Variants in PCDHA8 observed in about 807,000 individuals in gnomAD.
The protein encoded by PCDHA8 is protocadherin alpha-8.
In PCDHA8, 53 loss-of-function variants were observed where a neutral mutation model predicts 61.8. The ratio of observed to expected loss-of-function variants is 0.86; its 90% CI spans 0.69 to 1.08. The LOEUF (loss-of-function observed/expected upper bound fraction) is 1.08. PCDHA8 is among the 50% of genes least tolerant of loss of function. The pLI is 0.00. For missense variants in PCDHA8, 1,293 were observed against 1,245.0 expected (o/e 1.04, Z -0.58); for synonymous variants, 618 against 556.6 (o/e 1.11, Z -1.55).
intron 1 of PCDHA8, among the ~76,000 whole-genome samples, chr5:140,906,294 T>C (rs1554192469): frequency 1.3e-5 from 2 of 152,278 alleles, no homozygotes; most frequent in East Asian, 3.9e-4. Flanking sequence ...AAGACAATAA[T>C]AAGGTCATAA....
At chr5:140,905,878 C>T (rs1187937436) in intron 1 of PCDHA8, among the ~76,000 whole-genome samples, 2 of 152,054 alleles carry the variant, frequency 1.3e-5, no homozygotes, top group African/African-American at 2.4e-5. Flanking sequence ...CAAGGCCCAA[C>T]AATAGGCCAT....
intron 1 of PCDHA8, among the ~76,000 whole-genome samples, chr5:140,945,159 A>G (rs1341706509): frequency 2.0e-5 from 3 of 152,178 alleles, no homozygotes; most frequent in Non-Finnish European, 4.4e-5. Flanking sequence ...TACACTATTG[A>G]ACTATCTGAA....
chr5:140,915,324 T>G (rs782080439), intron 1 of PCDHA8, among the ~76,000 whole-genome samples: 1 of 152,210 alleles, frequency 6.6e-6, no homozygotes, highest in Non-Finnish European at 1.5e-5. Flanking sequence ...ATTACAGTGT[T>G]ATAATATTCT....
chr5:140,863,196 G>A (rs782500346), intron 1 of PCDHA8: 4 of 874,850 alleles, frequency 4.6e-6, no homozygotes, highest in Non-Finnish European at 7.2e-6. Flanking sequence ...TGGTGGCGTC[G>A]CTGGCGGAGA....
intron 1 of PCDHA8, chr5:140,858,025 G>C (rs992119806): frequency 1.9e-6 from 3 of 1,596,952 alleles, no homozygotes; most frequent in Non-Finnish European, 2.6e-6. Context: ...CGTCGCTGAC[G>C]GCCACGGCCA....
intron 1 of PCDHA8, among the ~76,000 whole-genome samples, chr5:140,846,117 T>C (rs1780205131): frequency 6.7e-6 from 1 of 149,668 alleles, no homozygotes; most frequent in African/African-American, 2.4e-5. Flanking sequence ...CTATCTTACT[T>C]TGATAGTTGT....
intron 1 of PCDHA8, among the ~76,000 whole-genome samples, chr5:140,891,237 T>C (rs2063002731): frequency 6.6e-6 from 1 of 152,210 alleles, no homozygotes; most frequent in South Asian, 2.1e-4. Flanking sequence ...CTGTTCTGGA[T>C]TCAGTAGGAT....
chr5:140,901,611 T>C (rs1261733801), intron 1 of PCDHA8, among the ~76,000 whole-genome samples: 1 of 152,204 alleles, frequency 6.6e-6, no homozygotes, highest in Non-Finnish European at 1.5e-5. Flanking sequence ...ATCTCTATGG[T>C]ATAATTTGAA....
intron 3 of PCDHA8, among the ~76,000 whole-genome samples, chr5:141,007,324 A>G (rs35241677): frequency 0.053 from 8,037 of 150,420 alleles, 253 homozygotes; most frequent in South Asian, 0.11. Context: ...GCTAAAGTGG[A>G]CAGATTGCCT....
chr5:140,858,616 T>G (rs1562539811), intron 1 of PCDHA8: 1 of 1,182,404 alleles, frequency 8.5e-7, no homozygotes, highest in Non-Finnish European at 1.2e-6. Context: ...TTTTTTATCC[T>G]ACCCAGTGTG....
intron 3 of PCDHA8, among the ~76,000 whole-genome samples, chr5:140,993,781 A>T (rs1587593339): frequency 6.6e-6 from 1 of 152,216 alleles, no homozygotes; most frequent in African/African-American, 2.4e-5. Flanking sequence ...TATTTTGTAC[A>T]GTAACATGCT....
At chr5:141,006,073 T>G (rs2098254106) in intron 3 of PCDHA8, among the ~76,000 whole-genome samples, 1 of 151,712 alleles carries the variant, frequency 6.6e-6, no homozygotes, top group Non-Finnish European at 1.5e-5. Context: ...AAAAATCAGA[T>G]TATTGAAGGG....
chr5:140,863,120 C>T, intron 1 of PCDHA8: 4 of 591,460 alleles, frequency 6.8e-6, no homozygotes, highest in Non-Finnish European at 1.0e-5. Context: ...GCGAAAGCTA[C>T]GCGCCACCGC....
chr5:140,884,478 C>G, intron 1 of PCDHA8: 1 of 1,613,916 alleles, frequency 6.2e-7, no homozygotes, highest in African/African-American at 1.3e-5. Context: ...CCGGGCAAGC[C>G]CACTCTAGTG....
intron 1 of PCDHA8, among the ~76,000 whole-genome samples, chr5:140,962,537 A>G (rs1554226101): frequency 6.6e-6 from 1 of 152,208 alleles, no homozygotes; most frequent in Non-Finnish European, 1.5e-5. Context: ...TTTTAGAACT[A>G]AAAATGTAGA....
chr5:140,884,682 A>C, intron 1 of PCDHA8: 5 of 1,546,956 alleles, frequency 3.2e-6, no homozygotes, highest in Non-Finnish European at 4.4e-6. Flanking sequence ...TATTTTAAAA[A>C]ATTGTCTTAG....
chr5:140,881,555 A>G (rs2058748140), intron 1 of PCDHA8, among the ~76,000 whole-genome samples: 2 of 152,236 alleles, frequency 1.3e-5, no homozygotes, highest in South Asian at 2.1e-4. Context: ...TTGAATATAA[A>G]TATCTTATCT....
chr5:140,957,879 G>T (rs2095393633), intron 1 of PCDHA8, among the ~76,000 whole-genome samples: 1 of 151,960 alleles, frequency 6.6e-6, no homozygotes, highest in Non-Finnish European at 1.5e-5. Flanking sequence ...GTGCTGAAAA[G>T]CTGAAGTTGG....
rs2150348656 is a variant in PCDHA8, at chr5:140,842,958, G to A, written c.1637G>A (p.Gly546Asp). The change falls in exon 1 of 4, where the codon GGC becomes GAC. Residue 546 changes from glycine (G) to aspartate (D), a missense_variant. Gly to Asp is a moderately conservative substitution (Grantham distance 94). Transcript: ENST00000531613. ...CGCGACGCGGGCGTGCCGCCTCTGG[G>A]CAGCAACGTGACGCTGCAGGTGTTC... The part of the protein sequence containing the change: ...SARDAGVPPL[G>D]SNVTLQVFVL... 1.4e-5 allele frequency: 22 copies of A among 1,594,922 alleles called. 1 individual carries two copies. The South Asian group carries it at 2.2e-4, about 16-fold the overall frequency.
Sources: allele counts gnomAD v4.1 joint callset (sites outside exome capture counted in the v4.1 genomes callset), GRCh38; gene constraint gnomAD v4.1.1; transcripts MANE v1.5; gene names NCBI Gene and HGNC (gene_info 2026-07-23, HGNC 2026-07-21).